The following ESRRG variants were observed in gnomAD, a reference collection of about 807,000 sequenced individuals.
ESRRG encodes the protein estrogen related receptor gamma.
In ESRRG, 13 loss-of-function variants were observed where a neutral mutation model predicts 44.0. The ratio of observed to expected loss-of-function variants is 0.30; its 90% CI spans 0.19 to 0.47. The LOEUF is 0.47. Among genes scored for constraint, ESRRG ranks in the 20% least tolerant of loss-of-function variants. The pLI is 1.00. For missense variants in ESRRG, 395 were observed against 580.6 expected, an observed-to-expected ratio of 0.68 and a Z score of 3.29; for synonymous variants, 215 against 214.6, an observed-to-expected ratio of 1.00 and a Z score of -0.02.
At chr1:216,794,042 G>A (rs2148147034) in intron 2 of ESRRG, among the ~76,000 whole-genome samples, 1 of 150,602 alleles carries the variant, frequency 6.6e-6, no homozygotes, top group South Asian at 2.1e-4. Flanking sequence ...TCACTTTTCA[G>A]AAGGTCCAAT....
intron 1 of ESRRG, among the ~76,000 whole-genome samples, chr1:216,692,957 A>C (rs1428750792): frequency 6.6e-6 from 1 of 152,192 alleles, no homozygotes; most frequent in Non-Finnish European, 1.5e-5. Flanking sequence ...AAACTGCCTA[A>C]CAAGAAATTT....
At chr1:216,835,238 G>A (rs1313583088) in intron 2 of ESRRG, among the ~76,000 whole-genome samples, 1 of 152,156 alleles carries the variant, frequency 6.6e-6, no homozygotes, top group Non-Finnish European at 1.5e-5. Flanking sequence ...AGCAATGAGT[G>A]ATTCACAAAT....
At chr1:216,512,216 A>G (rs2042923273) in intron 6 of ESRRG, among the ~76,000 whole-genome samples, 1 of 152,226 alleles carries the variant, frequency 6.6e-6, no homozygotes, top group African/African-American at 2.4e-5. Context: ...TGAACAATAC[A>G]TCACTTATAG....
intron 1 of ESRRG, among the ~76,000 whole-genome samples, chr1:216,692,905 A>G (rs1441947255): frequency 6.6e-6 from 1 of 152,200 alleles, no homozygotes; most frequent in Admixed American, 6.5e-5. Flanking sequence ...GGGCTATATG[A>G]TCTAGGTTGG....
chr1:216,834,169 G>A (rs1470808023), intron 2 of ESRRG, among the ~76,000 whole-genome samples: 1 of 152,186 alleles, frequency 6.6e-6, no homozygotes, highest in Non-Finnish European at 1.5e-5. Flanking sequence ...GGAAGGCTGA[G>A]GCAGGAGGAT....
chr1:216,869,545 T>C (rs545839438), intron 2 of ESRRG, among the ~76,000 whole-genome samples: 1 of 152,214 alleles, frequency 6.6e-6, no homozygotes, highest in South Asian at 2.1e-4. Flanking sequence ...TGCCTTTCCA[T>C]AAAAACTTTA....
At chr1:216,565,087 T>G (rs2059448741) in intron 4 of ESRRG, among the ~76,000 whole-genome samples, 1 of 152,232 alleles carries the variant, frequency 6.6e-6, no homozygotes, top group African/African-American at 2.4e-5. Flanking sequence ...TAATCCTCTA[T>G]TTTCATCAGT....
At chr1:216,716,109 G>A (rs899869752) in intron 1 of ESRRG, among the ~76,000 whole-genome samples, 1 of 151,984 alleles carries the variant, frequency 6.6e-6, no homozygotes, top group African/African-American at 2.4e-5. Flanking sequence ...GATAAAGGTG[G>A]ATTGTCCGTG....
At chr1:216,796,203 G>A (rs1238227896) in intron 2 of ESRRG, among the ~76,000 whole-genome samples, 1 of 152,104 alleles carries the variant, frequency 6.6e-6, no homozygotes, top group Non-Finnish European at 1.5e-5. Flanking sequence ...AGAAGCAGAG[G>A]GGTGCTGTGG....
At chr1:216,876,798 C>T (rs941016932) in intron 2 of ESRRG, among the ~76,000 whole-genome samples, 11 of 152,124 alleles carry the variant, frequency 7.2e-5, no homozygotes, top group Admixed American at 3.9e-4. Context: ...CTGACCTACC[C>T]GCAGTCATGT....
intron 3 of ESRRG, among the ~76,000 whole-genome samples, chr1:216,614,509 A>G (rs1386074282): frequency 6.6e-6 from 1 of 152,222 alleles, no homozygotes; most frequent in African/African-American, 2.4e-5. Flanking sequence ...GCATACCATT[A>G]ACAATGAATT....
intron 2 of ESRRG, among the ~76,000 whole-genome samples, chr1:216,833,736 T>C (rs1159815599): frequency 6.6e-6 from 1 of 152,222 alleles, no homozygotes; most frequent in East Asian, 1.9e-4. Flanking sequence ...GGCTACCATA[T>C]ATCACTGTTC....
At chr1:216,683,453 G>A (rs913120234) in intron 1 of ESRRG, among the ~76,000 whole-genome samples, 2 of 152,150 alleles carry the variant, frequency 1.3e-5, no homozygotes, top group Non-Finnish European at 2.9e-5. Context: ...AATAACTTGT[G>A]CATTTAGTTC....
chr1:216,910,257 C>G (rs958635909), intron 2 of ESRRG, among the ~76,000 whole-genome samples: 3 of 152,050 alleles, frequency 2.0e-5, no homozygotes. Context: ...CACACACACA[C>G]ACGCATACAT....
At chr1:216,814,345 C>T (rs961537172) in intron 2 of ESRRG, among the ~76,000 whole-genome samples, 7 of 152,114 alleles carry the variant, frequency 4.6e-5, no homozygotes, top group African/African-American at 1.2e-4. Flanking sequence ...TTGAATTATA[C>T]GATGGTTATA....
intron 1 of ESRRG, among the ~76,000 whole-genome samples, chr1:217,026,912 C>CACACACACACACAGAGAGAGAGAG (rs1255637839): frequency 2.4e-4 from 22 of 93,464 alleles, no homozygotes; most frequent in East Asian, 3.5e-4. Context: ...CACACACACA[C>CACACACACACACAGAGAGAGAGAG]AGAGAGAGAG....
chr1:216,634,787 G>A (rs1481307096), intron 3 of ESRRG, among the ~76,000 whole-genome samples: 1 of 152,086 alleles, frequency 6.6e-6, no homozygotes, highest in Non-Finnish European at 1.5e-5. Flanking sequence ...CGTGTGGGTT[G>A]GTGGGTTACA....
chr1:216,776,362 G>C (rs555763175), intron 2 of ESRRG, among the ~76,000 whole-genome samples: 1 of 151,782 alleles, frequency 6.6e-6, no homozygotes, highest in Non-Finnish European at 1.5e-5. Context: ...ACTTTTCCTC[G>C]CCTCAAAGGC....
chr1:217,063,264 A>T (rs1203656762), intron 1 of ESRRG, among the ~76,000 whole-genome samples: 2 of 152,326 alleles, frequency 1.3e-5, no homozygotes, highest in East Asian at 1.9e-4. Flanking sequence ...GAAGTTGGCA[A>T]CCGAACAAGC....
Sources: gnomAD v4.1 joint callset for allele counts (sites outside exome capture counted in the v4.1 genomes callset) on GRCh38, gnomAD v4.1.1 for gene constraint, MANE v1.5 for transcripts, NCBI Gene and HGNC (gene_info 2026-07-23, HGNC 2026-07-21) for gene names.